KIF26B: variants seen among roughly 807,000 people sequenced by gnomAD.
The protein encoded by KIF26B is kinesin-like protein KIF26B.
A neutral mutation model predicts 151.2 loss-of-function variants in KIF26B; 63 were observed. The ratio of observed to expected loss-of-function variants is 0.42; its 90% CI spans 0.34 to 0.51. KIF26B has a LOEUF of 0.51. KIF26B is among the 20% of genes least tolerant of loss of function. KIF26B has a pLI of 0.07. For missense variants in KIF26B, 2,813 were observed against 2,913.6 expected (o/e 0.97, Z 0.79); for synonymous variants, 1,357 against 1,262.1 (o/e 1.08, Z -1.59).
At chr1:245,552,973 T>G (rs1339754332) in intron 5 of KIF26B, among the ~76,000 whole-genome samples, 2 of 152,180 alleles carry the variant, frequency 1.3e-5, no homozygotes, top group Non-Finnish European at 2.9e-5. Flanking sequence ...TGTTAGATGC[T>G]GCCCATAGAT....
chr1:245,626,988 T>C (rs570734751), intron 9 of KIF26B, among the ~76,000 whole-genome samples: 122 of 152,320 alleles, frequency 8.0e-4, no homozygotes, highest in Admixed American at 1.2e-3. Flanking sequence ...TTAAAGGGGA[T>C]GTCCTTTCCC....
rs1025680386 is a variant in KIF26B, at chr1:245,239,821, T to C, written c.465+83138T>C. 6.6e-6 allele frequency among the ~76,000 whole-genome samples: 1 copy of C among 152,174 alleles called. No homozygotes were observed. The highest frequency in any genetic ancestry group is 1.5e-5 in the Non-Finnish European group (1 of 68,022). ...CAGTAAAATGATTTTCTGAATGTTTTAGTGTTTTTCCTTCCAAAAGTTGTC... is the reference window on the plus strand; with the variant it reads ...CAGTAAAATGATTTTCTGAATGTTTCAGTGTTTTTCCTTCCAAAAGTTGTC... On this transcript the variant is annotated intron_variant, in intron 2 of 14. Transcript: ENST00000407071. The surrounding 1 kb of genome is among the most constrained non-coding windows in gnomAD (Gnocchi z 4.3).
At chr1:245,648,079 T>C (rs2043972687) in intron 10 of KIF26B, among the ~76,000 whole-genome samples, 1 of 152,224 alleles carries the variant, frequency 6.6e-6, no homozygotes, top group Admixed American at 6.5e-5. Flanking sequence ...CTGGTTTCCA[T>C]AAAATGAGAA....
intron 2 of KIF26B, among the ~76,000 whole-genome samples, chr1:245,282,468 C>A (rs1671074841): frequency 6.6e-6 from 1 of 152,200 alleles, no homozygotes; most frequent in Admixed American, 6.5e-5. Flanking sequence ...ATGGCGATTC[C>A]CACACTTTCT....
At chr1:245,553,747 G>A (rs1310282857) in intron 5 of KIF26B, among the ~76,000 whole-genome samples, 1 of 152,320 alleles carries the variant, frequency 6.6e-6, no homozygotes, top group Middle Eastern at 3.4e-3. Context: ...GGCGGGGACA[G>A]CACCCTGGGA....
chr1:245,246,444 G>A (rs1012133404), intron 2 of KIF26B, among the ~76,000 whole-genome samples: 1 of 152,166 alleles, frequency 6.6e-6, no homozygotes, highest in African/African-American at 2.4e-5. Flanking sequence ...TTAAAATATT[G>A]AGACACTGCC....
At chr1:245,547,914 T>C (rs928895542) in intron 5 of KIF26B, among the ~76,000 whole-genome samples, 6 of 152,186 alleles carry the variant, frequency 3.9e-5, no homozygotes, top group African/African-American at 1.4e-4. Flanking sequence ...ACCAGGTCTG[T>C]TCTTGAGCTT....
intron 4 of KIF26B, among the ~76,000 whole-genome samples, chr1:245,440,126 C>G (rs1239352862): frequency 1.3e-5 from 2 of 151,874 alleles, no homozygotes. Flanking sequence ...GAGGCTGAGG[C>G]AGGAGAATGG....
At chr1:245,273,062 G>T (rs1448876025) in intron 2 of KIF26B, among the ~76,000 whole-genome samples, 2 of 148,072 alleles carry the variant, frequency 1.4e-5, no homozygotes, top group Non-Finnish European at 3.0e-5. Flanking sequence ...CAAGTCCTCT[G>T]TTTTTTTTTT....
intron 12 of KIF26B, among the ~76,000 whole-genome samples, chr1:245,691,209 A>G (rs1266460672): frequency 6.6e-6 from 1 of 152,010 alleles, no homozygotes; most frequent in Non-Finnish European, 1.5e-5. Context: ...TGGAGTAAAG[A>G]GGAAGAACAA....
chr1:245,525,646 T>A (rs1661222647), intron 4 of KIF26B, among the ~76,000 whole-genome samples: 1 of 152,368 alleles, frequency 6.6e-6, no homozygotes. Context: ...TAACATGAGT[T>A]ACATTCTATC....
intron 4 of KIF26B, among the ~76,000 whole-genome samples, chr1:245,447,300 A>C (rs57421699): frequency 6.6e-6 from 1 of 152,106 alleles, no homozygotes; most frequent in Admixed American, 6.5e-5. Flanking sequence ...TTCTAATTCA[A>C]TCCAATCCAA....
intron 3 of KIF26B, chr1:245,370,696 T>C (rs1282618964): frequency 2.2e-6 from 1 of 447,008 alleles, no homozygotes; most frequent in Admixed American, 2.4e-5. Flanking sequence ...ATATTCAAAG[T>C]GAGGTGAAAG....
At chr1:245,360,624 T>C (rs1672797914) in intron 2 of KIF26B, among the ~76,000 whole-genome samples, 1 of 152,202 alleles carries the variant, frequency 6.6e-6, no homozygotes, top group Non-Finnish European at 1.5e-5. Flanking sequence ...TACTAAGTAA[T>C]AGAAGCAGGA....
chr1:245,486,666 T>A (rs1219487770), intron 4 of KIF26B, among the ~76,000 whole-genome samples: 3 of 152,230 alleles, frequency 2.0e-5, no homozygotes, highest in Non-Finnish European at 2.9e-5. Flanking sequence ...TTACATTTTT[T>A]ATTTTAATTA....
rs181477043 is a variant in KIF26B at position 245,590,833 on chromosome 1, G to C, written c.1351-11744G>C. 4.0e-3 allele frequency among the ~76,000 whole-genome samples: 610 copies of C among 151,722 alleles called. 7 individuals carry two copies. Among genetic ancestry groups the C allele is most frequent in the African/African-American group, 0.013 (558 of 41,340 alleles). On this transcript the variant is annotated intron_variant, in intron 5 of 14. Transcript: ENST00000407071. ...TGAAGTGGGAGGATCACTTGAGCCT[G>C]GGAGGCAGCGGTTGCAGTGAGCAGA... is the stretch of plus-strand genomic sequence containing the variant.
chr1:245,590,001 G>A (rs1442931809), intron 5 of KIF26B, among the ~76,000 whole-genome samples: 1 of 152,184 alleles, frequency 6.6e-6, no homozygotes, highest in African/African-American at 2.4e-5. Flanking sequence ...ACGAGTCTGC[G>A]TCTGCAGACG....
rs2043406158 is a variant in KIF26B at position 245,602,440 on chromosome 1, C to T, written c.1351-137C>T. On this transcript the variant is annotated intron_variant, in intron 5 of 14. Transcript: ENST00000407071. This position sits in a 1 kb window ranked among gnomAD's most constrained non-coding sequence, Gnocchi z 4.5. ...CACCAAGGATGATGTTGCTAATTCACTGTGCATTTCATCATAATTTATCCT... is the reference window on the plus strand; with the variant it reads ...CACCAAGGATGATGTTGCTAATTCATTGTGCATTTCATCATAATTTATCCT... The T allele has an allele frequency of 1.5e-6, 1 of 662,176 alleles. No homozygotes were observed. Among genetic ancestry groups the T allele is most frequent in the South Asian group, 1.9e-5 (1 of 53,920 alleles). The allele number at this position is 662,176 out of a possible 1,614,324, so 41.0% of individuals were successfully genotyped here.
At chr1:245,194,441 G>A (rs531997856) in intron 2 of KIF26B, among the ~76,000 whole-genome samples, 27 of 152,182 alleles carry the variant, frequency 1.8e-4, no homozygotes, top group Admixed American at 5.2e-4. Context: ...CTCATGCAGC[G>A]GTGCAAACTC....
Sources: gnomAD v4.1 joint callset for allele counts (sites outside exome capture counted in the v4.1 genomes callset) on GRCh38, gnomAD v4.1.1 for gene constraint, Gnocchi (gnomAD v3.1) non-coding constraint, MANE v1.5 for transcripts, NCBI Gene and HGNC (gene_info 2026-07-23, HGNC 2026-07-21) for gene names.